SLTM: variants seen among roughly 807,000 people sequenced by gnomAD.
SLTM encodes SAFB like transcription modulator.
In SLTM, 43 loss-of-function variants were observed where a neutral mutation model predicts 134.6. That is an observed-to-expected ratio of 0.32 (90% confidence interval 0.25 to 0.41). The LOEUF is 0.41. SLTM is among the 10% of genes least tolerant of loss of function. SLTM has a pLI of 1.00. For synonymous variants in SLTM, 424 were observed against 432.3 expected (o/e 0.98, Z 0.24); for missense variants, 1,055 against 1,288.8 (o/e 0.82, Z 2.78).
At chr15:58,908,750 C>A (rs774175329) in intron 5 of SLTM, among the ~76,000 whole-genome samples, 10 of 152,100 alleles carry the variant, frequency 6.6e-5, no homozygotes, top group African/African-American at 2.4e-5. Flanking sequence ...GTGGGTGATA[C>A]AACCACACAG....
At chr15:58,900,001 A>C (rs1343336761) in intron 6 of SLTM, 64 bp from the exon 7 acceptor site, 3 of 1,284,268 alleles carry the variant, frequency 2.3e-6, no homozygotes, top group Non-Finnish European at 3.2e-6. Flanking sequence ...CATATTCATA[A>C]GCTAGAATAG....
At chr15:58,909,236 G>C (rs1427803138) in intron 5 of SLTM, among the ~76,000 whole-genome samples, 1 of 152,146 alleles carries the variant, frequency 6.6e-6, no homozygotes, top group East Asian at 1.9e-4. Flanking sequence ...AACTTGATGA[G>C]GCTCTCACTG....
chr15:58,933,213 G>C (rs1448402951), intron 1 of SLTM, among the ~76,000 whole-genome samples, 191 bp downstream of exon 1: 1 of 151,672 alleles, frequency 6.6e-6, no homozygotes, highest in African/African-American at 2.4e-5. Context: ...GCCCGGCCCG[G>C]GGCGCGGGGC....
chr15:58,927,231 C>G (rs1259627473), intron 2 of SLTM, among the ~76,000 whole-genome samples: 3 of 151,902 alleles, frequency 2.0e-5, no homozygotes, highest in Non-Finnish European at 4.4e-5. Context: ...AGAGATATTT[C>G]TTTTTTTTGT....
At chr15:58,900,987 T>C in intron 6 of SLTM, 1 of 330,146 alleles carries the variant, frequency 3.0e-6, no homozygotes, top group Non-Finnish European at 5.6e-6. Flanking sequence ...CAGAAGTTAT[T>C]TTAAAAATAA....
chr15:58,916,933 A>AC lies in SLTM; in HGVS notation c.315+1dup. On this transcript the variant is annotated splice_donor_variant, in intron 3 of 20. Coordinates refer to ENST00000380516, the MANE Select transcript of SLTM (RefSeq NM_024755.4). LOFTEE classifies it high-confidence loss of function. ...TCTTAACCTGAGTAATTAACACTTT[A>AC]CCTTGATAAAAGCATCATCTTCCAC... 1 of 1,613,016 alleles carries AC rather than the reference A, an allele frequency of 6.2e-7. No individual in the cohort carries two copies. Among genetic ancestry groups the AC allele is most frequent in the Non-Finnish European group, 8.5e-7 (1 of 1,179,154 alleles).
chr15:58,897,760 T>G (rs1343308411), intron 8 of SLTM, among the ~76,000 whole-genome samples: 1 of 152,122 alleles, frequency 6.6e-6, no homozygotes, highest in Non-Finnish European at 1.5e-5. Flanking sequence ...TGCAGCTGGA[T>G]AACTCTAGAT....
chr15:58,913,715 T>A lies in SLTM; in HGVS notation c.316-19A>T. ...CACAGTCCTTTTAATGGTAAGAAAATTTGGTACAACTAGAGGCAAAGTAGT... is the reference window on the plus strand; with the variant it reads ...CACAGTCCTTTTAATGGTAAGAAAAATTGGTACAACTAGAGGCAAAGTAGT... On this transcript the variant is annotated intron_variant, in intron 3 of 20. Coordinates refer to ENST00000380516, the MANE Select transcript of SLTM (RefSeq NM_024755.4). The A allele has an allele frequency of 1.2e-6, 2 of 1,610,610 alleles. No individual in the cohort carries two copies. The highest frequency in any genetic ancestry group is 1.7e-6 in the Non-Finnish European group (2 of 1,178,008).
At chr15:58,907,521 T>A (rs1187127727) in intron 5 of SLTM, among the ~76,000 whole-genome samples, 4 of 152,022 alleles carry the variant, frequency 2.6e-5, no homozygotes, top group Non-Finnish European at 5.9e-5. Flanking sequence ...ACCAGGAGAC[T>A]GAGGTGCGGT....
At chr15:58,882,726 T>C (rs1363212455) in intron 20 of SLTM, among the ~76,000 whole-genome samples, 1 of 152,156 alleles carries the variant, frequency 6.6e-6, no homozygotes, top group Non-Finnish European at 1.5e-5. Flanking sequence ...GTGACCTGGG[T>C]CACTGAGTCA....
chr15:58,928,052 A>G (rs1438539260), intron 2 of SLTM, among the ~76,000 whole-genome samples: 3 of 152,196 alleles, frequency 2.0e-5, no homozygotes, highest in African/African-American at 7.2e-5. Context: ...ATTTGTTTCT[A>G]TAGAAGAAAA....
chr15:58,919,731 T>C (rs1482880570), intron 2 of SLTM, among the ~76,000 whole-genome samples: 4 of 152,212 alleles, frequency 2.6e-5, no homozygotes, highest in African/African-American at 9.7e-5. Context: ...AGATCATTTA[T>C]AAATGCTATT....
chr15:58,906,610 T>C (rs2035883624), intron 5 of SLTM, among the ~76,000 whole-genome samples: 1 of 152,216 alleles, frequency 6.6e-6, no homozygotes, highest in Non-Finnish European at 1.5e-5. Context: ...GAAGACCTCC[T>C]TTCCCCTGGC....
chr15:58,898,718 T>C, intron 8 of SLTM, 85 bp downstream of exon 8: 1 of 1,007,240 alleles, frequency 9.9e-7, no homozygotes, highest in Non-Finnish European at 1.5e-6. Context: ...GGACTAAATG[T>C]CAAAGAAAAC....
At chr15:58,892,111 C>T (rs1271168295) in intron 14 of SLTM, among the ~76,000 whole-genome samples, 5 of 152,178 alleles carry the variant, frequency 3.3e-5, no homozygotes, top group Admixed American at 6.6e-5. Flanking sequence ...TAGTTCCTAA[C>T]GCTGTCGTCA....
intron 2 of SLTM, among the ~76,000 whole-genome samples, chr15:58,924,539 AATGAAATGTAAG>A (rs2037327739): frequency 1.3e-5 from 2 of 152,222 alleles, no homozygotes; most frequent in South Asian, 4.1e-4. Context: ...CATTTTGTGC[AATGAAATGTAAG>A]CAGATTCACA....
intron 2 of SLTM, 117 bp from the exon 3 acceptor site, chr15:58,917,116 T>C: frequency 2.2e-6 from 2 of 918,626 alleles, no homozygotes; most frequent in East Asian, 2.7e-5. Context: ...ACAAAGCTAA[T>C]GTCAACTGCT....
At chr15:58,932,233 A>C (rs1268018473) in intron 2 of SLTM, 123 bp downstream of exon 2, 1 of 725,790 alleles carries the variant, frequency 1.4e-6, no homozygotes. Context: ...TGACCCAAGA[A>C]GGCAGACTGC....
chr15:58,904,633 G>A (rs1166210608), intron 5 of SLTM, among the ~76,000 whole-genome samples: 1 of 149,232 alleles, frequency 6.7e-6, no homozygotes, highest in Non-Finnish European at 1.5e-5. Flanking sequence ...GCAAACCTCT[G>A]CCTCCCGGGT....
Sources: gnomAD v4.1 joint callset for allele counts (sites outside exome capture counted in the v4.1 genomes callset) on GRCh38, gnomAD v4.1.1 for gene constraint, MANE v1.5 for transcripts, NCBI Gene and HGNC (gene_info 2026-07-23, HGNC 2026-07-21) for gene names.